CTU2: variants seen among roughly 807,000 people sequenced by gnomAD.
The protein encoded by CTU2 is cytosolic thiouridylase subunit 2.
A neutral mutation model predicts 64.1 loss-of-function variants in CTU2; 80 were observed. The ratio of observed to expected loss-of-function variants is 1.25; its 90% CI spans 1.04 to 1.50. The LOEUF (loss-of-function observed/expected upper bound fraction) is 1.50, where lower values mean the gene tolerates loss of function less well. CTU2 is among the 40% of genes most tolerant of loss of function. The pLI is 0.00. For missense variants in CTU2, 1,110 were observed against 690.2 expected, an observed-to-expected ratio of 1.61 and a Z score of -6.81; for synonymous variants, 482 against 285.3, an observed-to-expected ratio of 1.69 and a Z score of -6.95.
At chr16:88,706,963 C>G in intron 1 of CTU2, 173 bp from the exon 2 acceptor site, 1 of 654,662 alleles carries the variant, frequency 1.5e-6, no homozygotes, top group African/African-American at 1.8e-5. Context: ...CCCCCAGAGC[C>G]TTTGTTTTTC....
intron 6 of CTU2, 102 bp from the exon 7 acceptor site, chr16:88,712,520 C>T (rs961920768): frequency 2.2e-5 from 33 of 1,510,852 alleles, no homozygotes; most frequent in Admixed American, 8.1e-5. Context: ...CTGCCCGTGC[C>T]CCAGCCTCAC....
intron 2 of CTU2, among the ~76,000 whole-genome samples, chr16:88,708,411 C>T (rs1381536510): frequency 1.3e-5 from 2 of 151,872 alleles, no homozygotes; most frequent in Admixed American, 1.3e-4. Context: ...CCAGACGCAG[C>T]ATGTACACGT....
Position 88,707,067 on chromosome 16 carries a change from C to T in CTU2, c.69-69C>T, listed in dbSNP as rs1208495519. On this transcript the variant is annotated intron_variant, in intron 1 of 14. Transcript: ENST00000453996. ...AGGGTGAGAAACAGGAGCTGTCTCC[C>T]CAAAGCCCACTAGGCGTGGGGAAGA... 3.9e-6 allele frequency: 6 copies of T among 1,523,524 alleles called. No homozygotes were observed. The African/African-American group carries it at 8.2e-5, about 21-fold the overall frequency. The allele number at this position is 1,523,524 out of a possible 1,614,324, so 94.4% of individuals were successfully genotyped here.
intron 1 of CTU2, 48 bp from the exon 2 acceptor site, chr16:88,707,088 G>A (rs1196122517): frequency 6.3e-7 from 1 of 1,591,652 alleles, no homozygotes; most frequent in Non-Finnish European, 8.6e-7. Flanking sequence ...TAGGCGTGGG[G>A]AAGATGTGAT....
chr16:88,709,916 T>G, intron 2 of CTU2, 22 bp from the exon 3 acceptor site: 1 of 1,611,590 alleles, frequency 6.2e-7, no homozygotes, highest in Middle Eastern at 1.7e-4. Flanking sequence ...GGCGGTTCCC[T>G]CATCTCAGGT....
At chr16:88,712,442 G>T in intron 6 of CTU2, 59 bp downstream of exon 6, 2 of 1,484,094 alleles carry the variant, frequency 1.3e-6, no homozygotes. Flanking sequence ...GCACCTGCCC[G>T]TGTCCCAGCC....
chr16:88,710,491 ATG>A, intron 4 of CTU2: 1 of 579,980 alleles, frequency 1.7e-6, no homozygotes, highest in Admixed American at 3.1e-5. Flanking sequence ...CCACTCTCAG[ATG>A]TGTTTACAGC....
chr16:88,715,204 C>A lies in CTU2; in HGVS notation c.1501C>A (p.Arg501=), dbSNP rs371031341. 1.2e-5 allele frequency: 19 copies of A among 1,612,302 alleles called. No homozygotes were observed. The highest frequency in any genetic ancestry group is 4.4e-5 in the South Asian group (4 of 91,074). The change falls in exon 15 of 15, where the codon CGG becomes AGG. Residue 501 remains arginine, a synonymous_variant. Transcript: ENST00000453996. ...TQRAWGLQEI[R]DCLIEDSDDE... ...TAGGGCCTGGGGCTTGCAGGAGATC[C>A]GGGACTGTCTGATTGAGGACAGTGA...
At position 88,710,280 on chromosome 16, in the gene CTU2, G is replaced by C. The variant is rs747681590; in HGVS notation, c.280G>C (p.Glu94Gln). The C allele has an allele frequency of 6.2e-7, 1 of 1,614,004 alleles. No homozygotes were observed. The highest frequency in any genetic ancestry group is 8.5e-7 in the Non-Finnish European group (1 of 1,179,986). ...SSSSMVWQVL[E>Q]GLSQDSAKRL... Reference sequence around the variant, plus strand: ...CAGCTCCATGGTCTGGCAGGTTCTTGAGGTGCGTGTTCACCACCCCGTGGG... The same window carrying C: ...CAGCTCCATGGTCTGGCAGGTTCTTCAGGTGCGTGTTCACCACCCCGTGGG... The change falls in exon 4 of 15, where the codon GAG becomes CAG. Residue 94 changes from glutamate (E) to glutamine (Q), a missense_variant and splice_region_variant. Coordinates refer to ENST00000453996, the MANE Select transcript of CTU2 (RefSeq NM_001012759.3).
At chr16:88,714,543 G>T (rs1468396181) in intron 11 of CTU2, 44 bp from the exon 12 acceptor site, 2 of 1,611,962 alleles carry the variant, frequency 1.2e-6, no homozygotes, top group East Asian at 4.5e-5. Flanking sequence ...GTGGGTGTGG[G>T]GGCTCAGCAG....
intron 4 of CTU2, chr16:88,710,653 A>C: frequency 4.2e-6 from 1 of 237,070 alleles, no homozygotes; most frequent in Non-Finnish European, 8.3e-6. Flanking sequence ...CACCAATCAG[A>C]AGCTGGGTCC....
intron 5 of CTU2, chr16:88,712,009 C>T: frequency 1.7e-6 from 1 of 581,114 alleles, no homozygotes; most frequent in Non-Finnish European, 3.0e-6. Context: ...AAGTTAAGTG[C>T]TGATGGTGAG....
At position 88,715,045 on chromosome 16, in the gene CTU2, C is replaced by A. The variant is rs765589419; in HGVS notation, c.1420-3C>A. ...GGCCCCTCGACACCGGCCTCTGTTG[C>A]AGCCCTCACTGGACCCCCTGCCGCC... On this transcript the variant is annotated splice_region_variant and splice_polypyrimidine_tract_variant and intron_variant, in intron 13 of 14. Transcript: ENST00000453996. 9 of 1,575,250 alleles carry A rather than the reference C, an allele frequency of 5.7e-6. No homozygotes were observed. Among genetic ancestry groups the A allele is most frequent in the African/African-American group, 1.3e-5 (1 of 74,424 alleles).
rs532278056 is a variant in CTU2 at position 88,712,586 on chromosome 16, T to A, written c.454-36T>A. 14 of 1,596,768 alleles carry A rather than the reference T, an allele frequency of 8.8e-6. No individual in the cohort carries two copies. In the Admixed American group the frequency reaches 2.2e-4, roughly 25 times the overall value. ...TGTCTGTGGGGGGCACCTGCCCGTG[T>A]CCCGGGCCTCACTGGCGTCTCCCTC... On this transcript the variant is annotated intron_variant, in intron 6 of 14. Coordinates refer to ENST00000453996, the MANE Select transcript of CTU2 (RefSeq NM_001012759.3).
intron 11 of CTU2, 44 bp downstream of exon 11, chr16:88,714,530 G>A: frequency 6.2e-7 from 1 of 1,612,502 alleles, no homozygotes; most frequent in Non-Finnish European, 8.5e-7. Flanking sequence ...AGGGAGCCAG[G>A]GAGTGGGTGT....
chr16:88,711,152 G>T (rs919186261), intron 4 of CTU2, among the ~76,000 whole-genome samples: 23 of 152,298 alleles, frequency 1.5e-4, no homozygotes, highest in Admixed American at 6.5e-5. Context: ...GTTTTCTGAG[G>T]TCCCCTGAAC....
At position 88,711,690 on chromosome 16, in the gene CTU2, T is replaced by C; in HGVS notation, c.338T>C (p.Val113Ala). 1 of 1,609,106 alleles carries C rather than the reference T, an allele frequency of 6.2e-7. No homozygotes were observed. Among genetic ancestry groups the C allele is most frequent in the Non-Finnish European group, 8.5e-7 (1 of 1,176,848 alleles). Reference protein sequence around the residue: ...RLRFVAGVIFVDEGAACGQSL... With the variant: ...RLRFVAGVIFADEGAACGQSL... Reference sequence around the variant, plus strand: ...CGCTTTGTGGCAGGAGTCATCTTTGTTGACGGTATGTGGGGCCATTGCTCC... The same window carrying C: ...CGCTTTGTGGCAGGAGTCATCTTTGCTGACGGTATGTGGGGCCATTGCTCC... The change falls in exon 5 of 15, where the codon GTT (valine) becomes GCT (alanine). Residue 113 changes from valine (V) to alanine (A), a missense_variant. By Grantham distance (64) the Val-to-Ala change is moderately conservative. Transcript: ENST00000453996.
At chr16:88,714,994 CTTGAGGGGGTGCT>C in intron 13 of CTU2, 41 bp from the exon 14 acceptor site, 1 of 1,596,654 alleles carries the variant, frequency 6.3e-7, no homozygotes, top group Middle Eastern at 1.7e-4. Context: ...TCGTGGGTGG[CTTGAGGGGGTGCT>C]GGCAGGTTTC....
In CTU2 at chr16:88,706,576, C is replaced by T. The variant is rs978006692; in HGVS notation, c.46C>T (p.Pro16Ser). The T allele has an allele frequency of 4.1e-5, 60 of 1,454,768 alleles. No homozygotes were observed. The highest frequency in any genetic ancestry group is 5.1e-5 in the Non-Finnish European group (57 of 1,110,608). 90.1% of individuals were successfully genotyped at this position (1,454,768 alleles called of 1,614,324 possible). The change falls in exon 1 of 15, where the codon CCG (proline) becomes TCG (serine). Residue 16 changes from proline to serine, a missense_variant. Physicochemically the swap from Pro to Ser is moderately conservative, Grantham distance 74. Transcript: ENST00000453996. The part of the protein sequence containing the change: ...EDYGEPAPEE[P>S]PPAPRPSREQ... ...CTACGGGGAGCCGGCGCCTGAGGAG[C>T]CGCCCCCGGCGCCGCGGCCCAGGTA... is the stretch of plus-strand genomic sequence containing the variant.
Sources: allele counts gnomAD v4.1 joint callset (sites outside exome capture counted in the v4.1 genomes callset), GRCh38; gene constraint gnomAD v4.1.1; transcripts MANE v1.5; gene names NCBI Gene and HGNC (gene_info 2026-07-23, HGNC 2026-07-21).